The following SNF8 variants were observed in gnomAD, a reference collection of about 807,000 sequenced individuals.
SNF8 encodes vacuolar-sorting protein SNF8.
A neutral mutation model predicts 36.8 loss-of-function variants in SNF8; 19 were observed. The observed-to-expected ratio is 0.52, with a 90% CI of 0.36 to 0.76. The LOEUF (loss-of-function observed/expected upper bound fraction) is 0.76. SNF8 is among the 30% of genes least tolerant of loss of function. SNF8 has a pLI of 0.00. For synonymous variants in SNF8, 127 were observed against 127.4 expected, an observed-to-expected ratio of 1.00 and a Z score of 0.02; for missense variants, 268 against 322.9, an observed-to-expected ratio of 0.83 and a Z score of 1.30.
Position 48,931,649 on chromosome 17 carries a change from T to G in SNF8, c.633A>C (p.Gln211His). 1 of 1,613,312 alleles carries G rather than the reference T, an allele frequency of 6.2e-7. No individual in the cohort carries two copies. The highest frequency in any genetic ancestry group is 2.2e-5 in the East Asian group (1 of 44,816). The change falls in exon 7 of 8, where the codon CAA becomes CAC. Residue 211 changes from glutamine to histidine, a missense_variant. Transcript: ENST00000502492. ...CTGTTCCAAAGTTGCATACCAGCAC[T>G]TGCCGCGCTCGCTCGGTCTCCCATT... ...SLKWETERAR[Q>H]VLEHLLKEGL...
At chr17:48,931,989 G>A (rs539193797) in intron 6 of SNF8, 2 of 250,002 alleles carry the variant, frequency 8.0e-6, no homozygotes, top group African/African-American at 2.3e-5. Flanking sequence ...GGAGGCCGAG[G>A]TGGGTGGATC....
intron 7 of SNF8, 25 bp downstream of exon 7, chr17:48,931,618 T>C (rs1466258780): frequency 4.4e-6 from 7 of 1,605,510 alleles, no homozygotes; most frequent in Non-Finnish European, 6.0e-6. Context: ...GCCTGTCTTT[T>C]CTGGACTGTT....
chr17:48,931,387 GGA>G lies in SNF8; in HGVS notation c.639+254_639+255del, dbSNP rs1010342831. Among the ~76,000 whole-genome samples, 18 of 152,356 alleles carry G rather than the reference GGA, an allele frequency of 1.2e-4. 3 individuals are homozygous for G. The highest frequency in any genetic ancestry group is 7.2e-4 in the Admixed American group (11 of 15,300). On this transcript the variant is annotated intron_variant, in intron 7 of 7. Coordinates refer to ENST00000502492, the MANE Select transcript of SNF8 (RefSeq NM_007241.4). The stretch of plus-strand genomic sequence containing the variant: ...AGCAACTCCAGGCTCAGCATGTTCA[GGA>G]GAGAGAGTGTCAGTTCCCCAAGTAG...
chr17:48,937,002 G>A lies in SNF8; in HGVS notation c.349+18C>T, dbSNP rs775693541. The A allele has an allele frequency of 5.1e-6, 8 of 1,581,704 alleles. 1 individual carries two copies. The Admixed American group carries it at 1.3e-4, about 26-fold the overall frequency. ...AGAGAAGTCCAGAGTCCAGTTCACA[G>A]GACCTAGCCACCCTCACCTCCATTC... On this transcript the variant is annotated intron_variant, in intron 4 of 7. Transcript: ENST00000502492.
chr17:48,942,939 C>T (rs1479898393), intron 2 of SNF8, among the ~76,000 whole-genome samples: 1 of 145,200 alleles, frequency 6.9e-6, no homozygotes, highest in Admixed American at 7.3e-5. Flanking sequence ...GATCCTGGCT[C>T]ACTGCAACCT....
In SNF8 at chr17:48,940,973, A is replaced by G; in HGVS notation, c.195T>C (p.Arg65=). The change falls in exon 3 of 8, where the codon CGT becomes CGC. Residue 65 remains arginine, a synonymous_variant. Coordinates refer to ENST00000502492, the MANE Select transcript of SNF8 (RefSeq NM_007241.4). ...KQEIRKNPEF[R]VQFQDMCATI... ...TTGCACACATGTCCTGGAACTGCAC[A>G]CGGAACTCAGGATTCTTCCGGATCT... 1 of 1,613,086 alleles carries G rather than the reference A, an allele frequency of 6.2e-7. No individual in the cohort carries two copies.
intron 3 of SNF8, among the ~76,000 whole-genome samples, chr17:48,939,483 GGA>G (rs2040988995): frequency 7.2e-6 from 1 of 138,780 alleles, no homozygotes; most frequent in Non-Finnish European, 1.6e-5. Context: ...TTGGGGGGAT[GGA>G]GTCTCGCTCT....
intron 3 of SNF8, chr17:48,937,348 C>G: frequency 1.5e-6 from 1 of 648,620 alleles, no homozygotes; most frequent in Admixed American, 2.1e-5. Context: ...TCATTTCTGG[C>G]CGGGCGCAGT....
chr17:48,935,365 T>A (rs1339006444), intron 5 of SNF8, among the ~76,000 whole-genome samples: 3 of 151,898 alleles, frequency 2.0e-5, no homozygotes, highest in African/African-American at 7.3e-5. Flanking sequence ...TACAAAAAAT[T>A]AGCCGGGCGT....
Position 48,929,813 on chromosome 17 carries a change from T to G in SNF8, c.*662A>C, listed in dbSNP as rs1164866740. The G allele has an allele frequency of 1.3e-5, 2 of 152,186 alleles. No homozygotes were observed. Among genetic ancestry groups the G allele is most frequent in the African/African-American group, 4.8e-5 (2 of 41,446 alleles). 9.4% of individuals were successfully genotyped at this position (152,186 alleles called of 1,614,324 possible). Reference sequence around the variant, plus strand: ...AAAATGGCACAGGGTAGGTGTTCAGTAAATGACTCCCTTTCCCACTACTGA... The same window carrying G: ...AAAATGGCACAGGGTAGGTGTTCAGGAAATGACTCCCTTTCCCACTACTGA... On this transcript the variant is annotated 3_prime_UTR_variant, in exon 8 of 8. Transcript: ENST00000502492.
chr17:48,936,884 A>G (rs190419675), intron 4 of SNF8, 136 bp downstream of exon 4: 102 of 709,154 alleles, frequency 1.4e-4, no homozygotes, highest in African/African-American at 1.4e-3. Context: ...CCATGGATTC[A>G]ACTGCATGAA....
intron 3 of SNF8, among the ~76,000 whole-genome samples, chr17:48,940,325 G>A (rs1438098938): frequency 1.3e-5 from 2 of 151,860 alleles, no homozygotes; most frequent in Non-Finnish European, 2.9e-5. Context: ...ACAGGCATGA[G>A]CCATTGCACC....
At chr17:48,944,541 G>T in intron 1 of SNF8, 140 bp downstream of exon 1, 1 of 967,162 alleles carries the variant, frequency 1.0e-6, no homozygotes, top group Non-Finnish European at 1.6e-6. Flanking sequence ...ACCGGAAGCT[G>T]GAGAAATTCT....
intron 2 of SNF8, among the ~76,000 whole-genome samples, chr17:48,943,669 T>A (rs1362640285): frequency 6.6e-6 from 1 of 152,070 alleles, no homozygotes; most frequent in Non-Finnish European, 1.5e-5. Flanking sequence ...TATGGGACTG[T>A]AATGAGGATT....
intron 3 of SNF8, among the ~76,000 whole-genome samples, chr17:48,940,528 T>A (rs1241426081): frequency 2.0e-5 from 3 of 151,864 alleles, no homozygotes; most frequent in African/African-American, 7.3e-5. Context: ...CAGTGGCTCA[T>A]GCAGGTAATC....
At chr17:48,936,473 T>C (rs746569996) in intron 4 of SNF8, among the ~76,000 whole-genome samples, 1 of 152,166 alleles carries the variant, frequency 6.6e-6, no homozygotes, top group East Asian at 1.9e-4. Context: ...AGCAGTATCA[T>C]CTTTGAAAAA....
intron 3 of SNF8, among the ~76,000 whole-genome samples, chr17:48,937,844 T>G (rs2040958578): frequency 6.6e-6 from 1 of 150,664 alleles, no homozygotes. Context: ...GAGAATCGCT[T>G]GAACCCGGGA....
chr17:48,934,596 T>A (rs2040907977), intron 5 of SNF8: 1 of 153,172 alleles, frequency 6.5e-6, no homozygotes. Flanking sequence ...AGAGCAAGAG[T>A]CCATTTCAAA....
At chr17:48,942,539 C>A (rs758743485) in intron 2 of SNF8, among the ~76,000 whole-genome samples, 16 of 151,950 alleles carry the variant, frequency 1.1e-4, no homozygotes, top group Non-Finnish European at 2.2e-4. Context: ...ACTCGGAGCA[C>A]GTACAGAGAA....
Sources: gnomAD v4.1 joint callset for allele counts (sites outside exome capture counted in the v4.1 genomes callset) on GRCh38, gnomAD v4.1.1 for gene constraint, MANE v1.5 for transcripts, NCBI Gene and HGNC (gene_info 2026-07-23, HGNC 2026-07-21) for gene names.